SPATA6L: variants seen among roughly 807,000 people sequenced by gnomAD.
SPATA6L encodes spermatogenesis associated 6-like protein.
In SPATA6L, 68 loss-of-function variants were observed where a neutral mutation model predicts 49.2. That is an observed-to-expected ratio of 1.38 (90% confidence interval 1.14 to 1.69). SPATA6L has a LOEUF of 1.69. Ranked by LOEUF, SPATA6L falls within the 40% of genes most tolerant of loss-of-function variation. The pLI is 0.00. For synonymous variants in SPATA6L, 198 were observed against 165.7 expected (o/e 1.19, Z -1.50); for missense variants, 668 against 464.3 (o/e 1.44, Z -4.03).
At chr9:4,664,929 G>C (rs561292133) in intron 1 of SPATA6L, 1 of 167,082 alleles carries the variant, frequency 6.0e-6, no homozygotes, top group Non-Finnish European at 1.5e-5. Flanking sequence ...AGTGGTTTGG[G>C]TTTGTTGTTT....
chr9:4,620,981 A>AGCT (rs1829158809), intron 7 of SPATA6L, among the ~76,000 whole-genome samples: 1 of 152,252 alleles, frequency 6.6e-6, no homozygotes, highest in Admixed American at 6.5e-5. Context: ...CTGTCCTTGC[A>AGCT]GCTGCTGTCA....
chr9:4,646,873 A>G (rs1835501041), intron 3 of SPATA6L, among the ~76,000 whole-genome samples: 1 of 152,142 alleles, frequency 6.6e-6, no homozygotes, highest in Non-Finnish European at 1.5e-5. Context: ...AATGATGAGA[A>G]CTCATGGACA....
rs566288275 is a variant in SPATA6L at position 4,662,313 on chromosome 9, C to T, written c.40-277G>A. On this transcript the variant is annotated intron_variant, in intron 1 of 11. Coordinates refer to ENST00000682582, the MANE Select transcript of SPATA6L (RefSeq NM_001353486.2). This position sits in a 1 kb window ranked among gnomAD's most constrained non-coding sequence, Gnocchi z 4.9. ...GATGGTAGTGCGGAAGCGGAAGAGG[C>T]TGCAGGGCCGGGAAGCCTCTGTTTG... 6.9e-7 allele frequency: 1 copy of T among 1,441,648 alleles called. No individual in the cohort carries two copies. Among genetic ancestry groups the T allele is most frequent in the Non-Finnish European group, 9.1e-7 (1 of 1,103,260 alleles). The allele number at this position is 1,441,648 out of a possible 1,614,324, so 89.3% of individuals were successfully genotyped here.
chr9:4,638,148 A>C (rs959367372), intron 3 of SPATA6L, among the ~76,000 whole-genome samples: 4 of 151,632 alleles, frequency 2.6e-5, no homozygotes, highest in African/African-American at 4.9e-5. Flanking sequence ...ATAAGAGTAA[A>C]TTACTAGGAA....
Position 4,625,138 on chromosome 9 carries a change from G to T in SPATA6L, c.669+189C>A, listed in dbSNP as rs149561012. 283 of 1,065,534 alleles carry T rather than the reference G, an allele frequency of 2.7e-4. No individual in the cohort carries two copies. In the African/African-American group the frequency reaches 3.6e-3, roughly 14 times the overall value. 66.0% of individuals were successfully genotyped at this position (1,065,534 alleles called of 1,614,324 possible). Reference sequence around the variant, plus strand: ...TTACTGAGCAAGTCCCCTGTATAAGGTACCTTTCTAGGGGTTTCCTGACAA... The same window carrying T: ...TTACTGAGCAAGTCCCCTGTATAAGTTACCTTTCTAGGGGTTTCCTGACAA... On this transcript the variant is annotated intron_variant, in intron 6 of 11. Coordinates refer to ENST00000682582, the MANE Select transcript of SPATA6L (RefSeq NM_001353486.2).
chr9:4,603,945 A>G (rs188285893), intron 11 of SPATA6L, among the ~76,000 whole-genome samples: 134 of 152,304 alleles, frequency 8.8e-4, no homozygotes, highest in Middle Eastern at 3.4e-3. Flanking sequence ...TATTAGATAA[A>G]GGGTGATGTT....
intron 9 of SPATA6L, among the ~76,000 whole-genome samples, chr9:4,606,318 C>A (rs1256776407): frequency 7.0e-6 from 1 of 142,656 alleles, no homozygotes; most frequent in African/African-American, 2.7e-5. Flanking sequence ...GGCCTGCCTG[C>A]CTCTGTAGGC....
rs1365223799 is a variant in SPATA6L, at chr9:4,600,088, G to A, written c.*723C>T. 6.6e-6 allele frequency among the ~76,000 whole-genome samples: 1 copy of A among 152,170 alleles called. No homozygotes were observed. Among genetic ancestry groups the A allele is most frequent in the Non-Finnish European group, 1.5e-5 (1 of 68,032 alleles). On this transcript the variant is annotated 3_prime_UTR_variant, in exon 12 of 12. Transcript: ENST00000682582. Reference sequence around the variant, plus strand: ...TATCTGTAGAACCTATTTACTTAATGTGTAGTTCTTTTGGAGAAATATTTG... The same window carrying A: ...TATCTGTAGAACCTATTTACTTAATATGTAGTTCTTTTGGAGAAATATTTG...
intron 9 of SPATA6L, among the ~76,000 whole-genome samples, chr9:4,607,230 A>C (rs1484406855): frequency 1.3e-5 from 2 of 152,142 alleles, no homozygotes; most frequent in African/African-American, 4.8e-5. Flanking sequence ...GCAGGATATT[A>C]TCCAGGAGAA....
intron 9 of SPATA6L, among the ~76,000 whole-genome samples, chr9:4,607,473 G>C (rs932428551): frequency 6.6e-6 from 1 of 152,206 alleles, no homozygotes; most frequent in Non-Finnish European, 1.5e-5. Context: ...AGCCAGAAGA[G>C]AGTGGGGGCC....
intron 5 of SPATA6L, chr9:4,627,941 T>C: frequency 1.7e-6 from 1 of 586,112 alleles, no homozygotes; most frequent in Non-Finnish European, 2.7e-6. Context: ...ATTTTTTATG[T>C]CTTGCAACAA....
chr9:4,603,232 C>A (rs1429691757), intron 11 of SPATA6L, among the ~76,000 whole-genome samples: 1 of 152,082 alleles, frequency 6.6e-6, no homozygotes, highest in Non-Finnish European at 1.5e-5. Flanking sequence ...GAGTTTGAGA[C>A]CAGGCTGACC....
At chr9:4,605,290 G>C in intron 10 of SPATA6L, 57 bp downstream of exon 10, 1 of 1,327,686 alleles carries the variant, frequency 7.5e-7, no homozygotes, top group Admixed American at 1.7e-5. Context: ...TAGACTGTAG[G>C]TCCCTGTTCA....
intron 3 of SPATA6L, among the ~76,000 whole-genome samples, chr9:4,638,262 A>T (rs1390448487): frequency 6.6e-6 from 1 of 152,100 alleles, no homozygotes; most frequent in Non-Finnish European, 1.5e-5. Context: ...CCCAGACTGG[A>T]GTGCAGTGGC....
intron 4 of SPATA6L, among the ~76,000 whole-genome samples, chr9:4,630,903 A>G (rs1361920842): frequency 1.3e-5 from 2 of 152,218 alleles, no homozygotes; most frequent in Non-Finnish European, 2.9e-5. Flanking sequence ...AAAGAGATTA[A>G]CCTAACCAAA....
At position 4,666,208 on chromosome 9, in the gene SPATA6L, T is replaced by C; in HGVS notation, c.39+4A>G. On this transcript the variant is annotated splice_donor_region_variant and intron_variant, in intron 1 of 11. Transcript: ENST00000682582. ...TAAGGAGGGGGAGTTCATCGATCTC[T>C]TACCGCCCGGATCTGCAGCTCCACC... 2 of 1,614,134 alleles carry C rather than the reference T, an allele frequency of 1.2e-6. No individual in the cohort carries two copies. The highest frequency in any genetic ancestry group is 2.2e-5 in the East Asian group (1 of 44,888).
chr9:4,619,337 T>C (rs1458023193), intron 7 of SPATA6L, among the ~76,000 whole-genome samples: 2 of 151,906 alleles, frequency 1.3e-5, no homozygotes, highest in African/African-American at 2.4e-5. Flanking sequence ...TTTGTATTTT[T>C]AGTAGAAATG....
chr9:4,631,448 CA>C (rs1306972357), intron 4 of SPATA6L, among the ~76,000 whole-genome samples: 1 of 151,690 alleles, frequency 6.6e-6, no homozygotes, highest in Admixed American at 6.6e-5. Flanking sequence ...ATAGATGAGA[CA>C]GTAATATTAT....
chr9:4,592,192 G>A (rs1263688468), intron 13 of SPATA6L, among the ~76,000 whole-genome samples: 3 of 152,000 alleles, frequency 2.0e-5, no homozygotes, highest in Admixed American at 1.3e-4. Flanking sequence ...GCACATGCCT[G>A]TAGTCCCAGC....
Sources: allele counts gnomAD v4.1 joint callset (sites outside exome capture counted in the v4.1 genomes callset), GRCh38; gene constraint gnomAD v4.1.1; non-coding constraint Gnocchi (gnomAD v3.1); transcripts MANE v1.5; gene names NCBI Gene and HGNC (gene_info 2026-07-23, HGNC 2026-07-21).